The following EPYC variants were observed in gnomAD, a reference collection of about 807,000 sequenced individuals.
EPYC encodes the protein epiphycan, also known as dermatan sulfate proteoglycan 3.
A neutral mutation model predicts 30.1 loss-of-function variants in EPYC; 28 were observed. That is an observed-to-expected ratio of 0.93 (90% CI 0.69 to 1.28). The LOEUF (loss-of-function observed/expected upper bound fraction) is 1.28. Among genes scored for constraint, EPYC ranks in the 50% most tolerant of loss-of-function variants. EPYC has a pLI of 0.00. For synonymous variants in EPYC, 144 were observed against 141.4 expected (o/e 1.02, Z -0.13); for missense variants, 382 against 383.5 (o/e 1.00, Z 0.03).
chr12:90,987,470 G>T (rs546351628), intron 2 of EPYC, among the ~76,000 whole-genome samples: 2 of 152,288 alleles, frequency 1.3e-5, no homozygotes, highest in East Asian at 3.9e-4. Flanking sequence ...ACCTGTCTTT[G>T]ATTGTTAGAC....
At chr12:90,979,668 T>G (rs966438935) in intron 2 of EPYC, among the ~76,000 whole-genome samples, 1 of 152,188 alleles carries the variant, frequency 6.6e-6, no homozygotes, top group African/African-American at 2.4e-5. Flanking sequence ...ATTTCAGCCT[T>G]TTCTGTGCTG....
chr12:90,973,730 T>C (rs940137854), intron 3 of EPYC, among the ~76,000 whole-genome samples: 9 of 152,096 alleles, frequency 5.9e-5, no homozygotes, highest in African/African-American at 2.2e-4. Flanking sequence ...ATAGTCCATA[T>C]GGTTAAAACT....
chr12:90,989,529 A>G (rs1877533163), intron 2 of EPYC, among the ~76,000 whole-genome samples: 1 of 151,990 alleles, frequency 6.6e-6, no homozygotes, highest in Non-Finnish European at 1.5e-5. Flanking sequence ...TTTTAAATCT[A>G]TCCCAATGTA....
Position 90,970,144 on chromosome 12 carries a change from A to C in EPYC, c.703-5T>G. 6.2e-7 allele frequency: 1 copy of C among 1,600,516 alleles called. No individual in the cohort carries two copies. The highest frequency in any genetic ancestry group is 8.6e-7 in the Non-Finnish European group (1 of 1,168,890). ...ATGATGGAGATCATACATGTCCTGT[A>C]AACATTCCAAATGTGGGAACTCAAT... On this transcript the variant is annotated splice_polypyrimidine_tract_variant and splice_region_variant and intron_variant, in intron 5 of 6. Transcript: ENST00000261172.
At chr12:90,973,338 C>T (rs1173089450) in intron 3 of EPYC, among the ~76,000 whole-genome samples, 1 of 152,046 alleles carries the variant, frequency 6.6e-6, no homozygotes, top group Non-Finnish European at 1.5e-5. Flanking sequence ...TAAAACAACA[C>T]TTGCTTCAAG....
chr12:90,996,987 T>C (rs890139515), intron 2 of EPYC, among the ~76,000 whole-genome samples: 1 of 151,948 alleles, frequency 6.6e-6, no homozygotes, highest in Non-Finnish European at 1.5e-5. Flanking sequence ...GAGACAAAAA[T>C]TGGGCTCCAG....
rs747965227 is a variant in EPYC at position 90,972,965 on chromosome 12, A to C, written c.356T>G (p.Leu119Arg). ...PHTNEDFPTCLLCTCISTTVY... is the reference protein window; with the variant it reads ...PHTNEDFPTCRLCTCISTTVY... The stretch of plus-strand genomic sequence containing the variant: ...GGTGGTACTTATACAAGTACACAAA[A>C]GACAGGTTGGAAAGTCTAAAAGATA... The change falls in exon 4 of 7, where the codon CTT becomes CGT. Residue 119 changes from leucine to arginine, a missense_variant. Transcript: ENST00000261172. 6.3e-7 allele frequency: 1 copy of C among 1,591,920 alleles called. No individual in the cohort carries two copies. The highest frequency in any genetic ancestry group is 1.3e-5 in the African/African-American group (1 of 74,282).
At position 90,978,087 on chromosome 12, in the gene EPYC, C is replaced by A; in HGVS notation, c.340+1G>T. 1 of 1,557,780 alleles carries A rather than the reference C, an allele frequency of 6.4e-7. No homozygotes were observed. Among genetic ancestry groups the A allele is most frequent in the African/African-American group, 1.4e-5 (1 of 71,022 alleles). Reference sequence around the variant, plus strand: ...TGTAATTCTGCTTTGAGGTACCTGACCTTCATTTGTGTGTGGCCCCAGAAC... The same window carrying A: ...TGTAATTCTGCTTTGAGGTACCTGAACTTCATTTGTGTGTGGCCCCAGAAC... On this transcript the variant is annotated splice_donor_variant, in intron 3 of 6. Coordinates refer to ENST00000261172, the MANE Select transcript of EPYC (RefSeq NM_004950.5). LOFTEE classifies it high-confidence loss of function.
At chr12:91,000,081 A>C (rs1233899363) in intron 2 of EPYC, among the ~76,000 whole-genome samples, 8 of 152,082 alleles carry the variant, frequency 5.3e-5, no homozygotes, top group Admixed American at 5.2e-4. Flanking sequence ...TATACCGTCT[A>C]CCTACAAACT....
intron 5 of EPYC, 57 bp downstream of exon 5, chr12:90,971,743 C>A: frequency 1.2e-6 from 1 of 868,266 alleles, no homozygotes; most frequent in South Asian, 3.0e-5. Context: ...AAAAGGTAGT[C>A]AATGACAGCA....
chr12:90,967,320 A>ATT (rs34416278), intron 6 of EPYC, among the ~76,000 whole-genome samples: 3 of 151,282 alleles, frequency 2.0e-5, no homozygotes, highest in Admixed American at 6.6e-5. Flanking sequence ...TTTATCTCTG[A>ATT]TTTTTTTTAA....
intron 1 of EPYC, among the ~76,000 whole-genome samples, chr12:91,003,583 GA>G (rs911569074): frequency 1.3e-5 from 2 of 151,434 alleles, no homozygotes; most frequent in African/African-American, 4.9e-5. Flanking sequence ...TTTTGGTTTA[GA>G]AAAAAAATCT....
At chr12:90,994,094 A>G (rs34808510) in intron 2 of EPYC, among the ~76,000 whole-genome samples, 1 of 152,148 alleles carries the variant, frequency 6.6e-6, no homozygotes, top group Non-Finnish European at 1.5e-5. Flanking sequence ...TAAGACTACT[A>G]GACTGAGAAT....
Position 90,964,079 on chromosome 12 carries a change from C to A in EPYC, c.*77G>T. On this transcript the variant is annotated 3_prime_UTR_variant, in exon 7 of 7. Coordinates refer to ENST00000261172, the MANE Select transcript of EPYC (RefSeq NM_004950.5). Reference sequence around the variant, plus strand: ...CAGAACACAATCTCAAAGTATCATGCTGAGTTTTGTTTTGGAAGAGAGCAG... The same window carrying A: ...CAGAACACAATCTCAAAGTATCATGATGAGTTTTGTTTTGGAAGAGAGCAG... 1.7e-6 allele frequency: 2 copies of A among 1,190,778 alleles called. No individual in the cohort carries two copies. The highest frequency in any genetic ancestry group is 2.4e-6 in the Non-Finnish European group (2 of 837,686). The allele number at this position is 1,190,778 out of a possible 1,614,324, so 73.8% of individuals were successfully genotyped here. A position where few individuals can be genotyped will look rare whatever the true frequency, so the allele number is the denominator to read the frequency against.
At chr12:90,992,430 G>A (rs1877606416) in intron 2 of EPYC, among the ~76,000 whole-genome samples, 1 of 152,192 alleles carries the variant, frequency 6.6e-6, no homozygotes, top group Non-Finnish European at 1.5e-5. Flanking sequence ...ATAGCAGGAG[G>A]AAAGGGAGAA....
chr12:90,965,882 A>T (rs530289847), intron 6 of EPYC, among the ~76,000 whole-genome samples: 1 of 151,924 alleles, frequency 6.6e-6, no homozygotes, highest in Non-Finnish European at 1.5e-5. Flanking sequence ...AAATTTTGTG[A>T]CTATTATAAA....
chr12:90,970,210 C>A, intron 5 of EPYC, 71 bp from the exon 6 acceptor site: 1 of 1,080,080 alleles, frequency 9.3e-7, no homozygotes. Context: ...AAAAACACAG[C>A]TGTATTTCCC....
intron 2 of EPYC, among the ~76,000 whole-genome samples, chr12:90,993,001 C>A (rs1390328625): frequency 1.9e-5 from 1 of 52,822 alleles, no homozygotes; most frequent in Non-Finnish European, 3.9e-5. Context: ...GGTTACAGAC[C>A]AGAGTCAAGG....
At chr12:90,999,489 T>C (rs1012960330) in intron 2 of EPYC, among the ~76,000 whole-genome samples, 3 of 152,070 alleles carry the variant, frequency 2.0e-5, no homozygotes, top group African/African-American at 7.2e-5. Context: ...ACATAGGAGA[T>C]TTAAAAAAAT....
Sources: allele counts gnomAD v4.1 joint callset (sites outside exome capture counted in the v4.1 genomes callset), GRCh38; gene constraint gnomAD v4.1.1; transcripts MANE v1.5; gene names NCBI Gene and HGNC (gene_info 2026-07-23, HGNC 2026-07-21).